Variants in PTPN3 observed in about 807,000 individuals in gnomAD.
PTPN3 encodes the protein tyrosine-protein phosphatase non-receptor type 3.
PTPN3 carries 96 observed loss-of-function variants against 132.7 expected under a neutral mutation model. The ratio of observed to expected loss-of-function variants is 0.72; its 90% CI spans 0.61 to 0.86. The LOEUF is 0.86. PTPN3 is among the 40% of genes least tolerant of loss of function. The pLI is 0.00. For missense variants in PTPN3, 1,125 were observed against 1,159.6 expected, an observed-to-expected ratio of 0.97 and a Z score of 0.43; for synonymous variants, 398 against 429.0, an observed-to-expected ratio of 0.93 and a Z score of 0.89.
At chr9:109,506,082 T>C in the PTPN3 span, among the ~76,000 whole-genome samples, 6 of 152,080 alleles carry the variant, frequency 3.9e-5, no homozygotes, top group Non-Finnish European at 4.4e-5. Flanking sequence ...GAGGTGCCCA[T>C]AGAAAGGGGT....
chr9:109,399,050 C>T (rs922273944), intron 19 of PTPN3, among the ~76,000 whole-genome samples: 1 of 152,150 alleles, frequency 6.6e-6, no homozygotes, highest in African/African-American at 2.4e-5. Flanking sequence ...CAAACTGCTC[C>T]CATTGATGTA....
chr9:109,476,487 T>C (rs1846673783), intron 1 of PTPN3, among the ~76,000 whole-genome samples: 2 of 152,222 alleles, frequency 1.3e-5, no homozygotes, highest in Non-Finnish European at 2.9e-5. Flanking sequence ...CATTTATCTG[T>C]ACTGAGGCCT....
At chr9:109,449,437 G>A (rs538358521) in intron 5 of PTPN3, 13 of 985,524 alleles carry the variant, frequency 1.3e-5, no homozygotes, top group Non-Finnish European at 1.6e-5. Flanking sequence ...GAAGTTTCCA[G>A]GACCTCCAAG....
intron 1 of PTPN3, among the ~76,000 whole-genome samples, chr9:109,490,359 C>T (rs1027639256): frequency 6.6e-6 from 1 of 152,198 alleles, no homozygotes; most frequent in African/African-American, 2.4e-5. Context: ...AGGGACTGTG[C>T]TTGGCACTGG....
At chr9:109,437,122 T>G in intron 8 of PTPN3, 152 bp from the exon 9 acceptor site, 1 of 1,326,416 alleles carries the variant, frequency 7.5e-7, no homozygotes, top group East Asian at 2.5e-5. Flanking sequence ...TAAATTCTAC[T>G]AAAGCAAGTT....
intron 1 of PTPN3, among the ~76,000 whole-genome samples, chr9:109,463,977 G>A (rs1845974414): frequency 6.6e-6 from 1 of 152,158 alleles, no homozygotes; most frequent in African/African-American, 2.4e-5. Flanking sequence ...TGCTAACCTA[G>A]TGAGAGGAAG....
intron 19 of PTPN3, chr9:109,392,587 T>C (rs1840218902): frequency 6.6e-6 from 1 of 152,170 alleles, no homozygotes; most frequent in Non-Finnish European, 1.5e-5. Context: ...AAAATGAGAT[T>C]GAACAACATA....
At chr9:109,533,620 T>C in the PTPN3 span, 375 of 1,522,606 alleles carry the variant, frequency 2.5e-4, no homozygotes, top group Non-Finnish European at 2.5e-4. Flanking sequence ...ATCCCTGATA[T>C]ATACTCTGCC....
chr9:109,487,897 T>C (rs1017033197), intron 1 of PTPN3, among the ~76,000 whole-genome samples: 2 of 152,194 alleles, frequency 1.3e-5, no homozygotes, highest in African/African-American at 4.8e-5. Flanking sequence ...TACTCTGCCA[T>C]TGACTATGTG....
At chr9:109,532,923 G>C in the PTPN3 span, 10 of 912,090 alleles carry the variant, frequency 1.1e-5, no homozygotes, top group East Asian at 9.1e-5. Context: ...CCACCTTGTG[G>C]TTTAGGGTTT....
At chr9:109,465,853 T>C (rs1846079831) in intron 1 of PTPN3, among the ~76,000 whole-genome samples, 1 of 152,146 alleles carries the variant, frequency 6.6e-6, no homozygotes, top group East Asian at 1.9e-4. Context: ...CTTTTTTTTA[T>C]TAATTCTCCA....
At chr9:109,446,393 G>C (rs1414488248) in intron 6 of PTPN3, among the ~76,000 whole-genome samples, 2 of 152,174 alleles carry the variant, frequency 1.3e-5, no homozygotes, top group Non-Finnish European at 2.9e-5. Context: ...AGCTGCATAT[G>C]AAGTCGACTT....
intron 7 of PTPN3, among the ~76,000 whole-genome samples, chr9:109,440,018 C>T (rs868282467): frequency 1.9e-4 from 29 of 152,174 alleles, no homozygotes; most frequent in African/African-American, 6.5e-4. Context: ...CACACCATAA[C>T]GAAGGGATCT....
intron 18 of PTPN3, among the ~76,000 whole-genome samples, chr9:109,404,915 T>C (rs7875787): frequency 0.037 from 5,704 of 152,308 alleles, 146 homozygotes; most frequent in East Asian, 0.15. Flanking sequence ...AGCATATTGT[T>C]TCTGCTTGCT....
intron 14 of PTPN3, among the ~76,000 whole-genome samples, chr9:109,414,227 T>A (rs1842304676): frequency 6.6e-6 from 1 of 152,094 alleles, no homozygotes; most frequent in Non-Finnish European, 1.5e-5. Flanking sequence ...TGAAGGCGAG[T>A]TAAATGGTTC....
the PTPN3 span, chr9:109,534,012 C>T: frequency 1.3e-6 from 1 of 768,064 alleles, no homozygotes; most frequent in Non-Finnish European, 2.4e-6. Context: ...TCCACAGTCT[C>T]TCCATTTCTA....
rs1441436427 is a variant in PTPN3 at position 109,384,764 on chromosome 9, CAT to C, written c.2254-1215_2254-1214del. ...GTGGAAAAGTGGTATAACCATAAGA[CAT>C]ATGTAATTTGTTGGGAAACAGCCTC... is the stretch of plus-strand genomic sequence containing the variant. On this transcript the variant is annotated intron_variant, in intron 22 of 25. Transcript: ENST00000374541. Among the ~76,000 whole-genome samples, 3 of 152,236 alleles carry C rather than the reference CAT, an allele frequency of 2.0e-5. No individual in the cohort carries two copies. In the East Asian group the frequency reaches 5.8e-4, roughly 29 times the overall value.
At chr9:109,524,757 A>G in the PTPN3 span, among the ~76,000 whole-genome samples, 1 of 152,104 alleles carries the variant, frequency 6.6e-6, no homozygotes. Flanking sequence ...TTTGTTTTTG[A>G]GATGGAGTCT....
intron 16 of PTPN3, 53 bp from the exon 17 acceptor site, chr9:109,408,430 A>G (rs540414772): frequency 1.4e-6 from 2 of 1,408,992 alleles, no homozygotes; most frequent in Non-Finnish European, 2.0e-6. Flanking sequence ...TTAAACAAAC[A>G]AACAAACAAA....
Sources: allele counts gnomAD v4.1 joint callset (sites outside exome capture counted in the v4.1 genomes callset), GRCh38; gene constraint gnomAD v4.1.1; transcripts MANE v1.5; gene names NCBI Gene and HGNC (gene_info 2026-07-23, HGNC 2026-07-21).